Variants in LRBA observed in about 807,000 individuals in gnomAD.
LRBA encodes the protein lipopolysaccharide-responsive and beige-like anchor protein.
In LRBA, 176 loss-of-function variants were observed where a neutral mutation model predicts 330.0. The ratio of observed to expected loss-of-function variants is 0.53; its 90% CI spans 0.47 to 0.60. The LOEUF (loss-of-function observed/expected upper bound fraction) is 0.60. Among genes scored for constraint, LRBA ranks in the 20% least tolerant of loss-of-function variants. LRBA has a pLI of 0.00. For synonymous variants in LRBA, 1,230 were observed against 1,193.0 expected, an observed-to-expected ratio of 1.03 and a Z score of -0.64; for missense variants, 3,259 against 3,444.8, an observed-to-expected ratio of 0.95 and a Z score of 1.35.
intron 44 of LRBA, among the ~76,000 whole-genome samples, chr4:150,456,383 T>C (rs1197793656): frequency 6.6e-6 from 1 of 152,188 alleles, no homozygotes; most frequent in Non-Finnish European, 1.5e-5. Context: ...AGTGAGATGA[T>C]AGCTCATTGA....
chr4:150,957,531 C>G (rs921252605), intron 2 of LRBA, among the ~76,000 whole-genome samples: 2 of 148,366 alleles, frequency 1.3e-5, no homozygotes, highest in African/African-American at 5.3e-5. Context: ...CCATATCATT[C>G]TGCCCACGGC....
At chr4:150,697,318 T>C (rs1348781310) in intron 36 of LRBA, among the ~76,000 whole-genome samples, 2 of 16,306 alleles carry the variant, frequency 1.2e-4, no homozygotes, top group Non-Finnish European at 1.9e-4. Flanking sequence ...AGTGAGACTT[T>C]GTCTCAGAAA....
rs568374492 is a variant in LRBA at position 150,975,506 on chromosome 4, A to G, written c.216+38921T>C. On this transcript the variant is annotated intron_variant, in intron 2 of 56. Transcript: ENST00000651943. ...GCACCACTGCACTTCAGCCTAAGTGACAGAGTGAGACTGTGAGACTCTATC... is the reference window on the plus strand; with the variant it reads ...GCACCACTGCACTTCAGCCTAAGTGGCAGAGTGAGACTGTGAGACTCTATC... Among the ~76,000 whole-genome samples, 25 of 151,434 alleles carry G rather than the reference A, an allele frequency of 1.7e-4. 1 individual carries two copies. Among genetic ancestry groups the G allele is most frequent in the Middle Eastern group, 6.8e-3 (2 of 294 alleles).
intron 35 of LRBA, among the ~76,000 whole-genome samples, chr4:150,756,157 T>C (rs1734269605): frequency 6.6e-6 from 1 of 152,108 alleles, no homozygotes. Flanking sequence ...TATTCATCAT[T>C]CTCTCTAAGA....
rs188890831 is a variant in LRBA, at chr4:150,678,382, T to C, written c.5921+5169A>G. Among the ~76,000 whole-genome samples, 442 of 151,748 alleles carry C rather than the reference T, an allele frequency of 2.9e-3. 1 individual carries two copies. The highest frequency in any genetic ancestry group is 9.8e-3 in the African/African-American group (404 of 41,338). Reference sequence around the variant, plus strand: ...TAATACATACTACACAAGAAAAAAATGGCTCCTCAGTATCAGTACTGCAAT... The same window carrying C: ...TAATACATACTACACAAGAAAAAAACGGCTCCTCAGTATCAGTACTGCAAT... On this transcript the variant is annotated intron_variant, in intron 37 of 56. Coordinates refer to ENST00000651943, the MANE Select transcript of LRBA (RefSeq NM_001364905.1).
chr4:150,512,499 A>G (rs1344904296), intron 40 of LRBA, among the ~76,000 whole-genome samples: 1 of 152,084 alleles, frequency 6.6e-6, no homozygotes, highest in Non-Finnish European at 1.5e-5. Context: ...TGGGATTATA[A>G]TAAGAGACTC....
chr4:150,847,073 T>A (rs184071079), intron 26 of LRBA, among the ~76,000 whole-genome samples: 55 of 152,234 alleles, frequency 3.6e-4, no homozygotes, highest in Non-Finnish European at 6.9e-4. Flanking sequence ...TACTAATAGA[T>A]TAAAGAAGTA....
At chr4:150,570,933 T>C (rs559785943) in intron 40 of LRBA, among the ~76,000 whole-genome samples, 48 of 152,282 alleles carry the variant, frequency 3.2e-4, no homozygotes, top group Middle Eastern at 3.4e-3. Context: ...AAAAAGTCTT[T>C]GTTTTAAGAC....
chr4:150,674,124 T>C (rs983782530), intron 37 of LRBA, among the ~76,000 whole-genome samples: 1 of 152,006 alleles, frequency 6.6e-6, no homozygotes, highest in Non-Finnish European at 1.5e-5. Context: ...ATTTTATATA[T>C]TGGGGTTCTA....
intron 40 of LRBA, among the ~76,000 whole-genome samples, chr4:150,528,167 T>C (rs1763666032): frequency 6.6e-6 from 1 of 152,068 alleles, no homozygotes; most frequent in African/African-American, 2.4e-5. Context: ...ATTTAGATTG[T>C]GGTATACCTA....
At chr4:150,966,616 G>A (rs995210867) in intron 2 of LRBA, among the ~76,000 whole-genome samples, 56 of 151,556 alleles carry the variant, frequency 3.7e-4, no homozygotes, top group African/African-American at 1.3e-3. Context: ...GTGAGCCACC[G>A]CGCCCGGCCG....
intron 46 of LRBA, among the ~76,000 whole-genome samples, chr4:150,420,445 A>AT (rs1185886302): frequency 1.1e-3 from 120 of 110,978 alleles, no homozygotes; most frequent in East Asian, 3.4e-3. Context: ...TATAATACAT[A>AT]TATAATATAT....
At chr4:150,405,804 C>T (rs189228213) in intron 47 of LRBA, among the ~76,000 whole-genome samples, 61 of 152,132 alleles carry the variant, frequency 4.0e-4, no homozygotes, top group African/African-American at 1.4e-3. Flanking sequence ...CCTATGAGCC[C>T]AGCACTTTGA....
At chr4:150,452,345 G>A (rs556330670) in intron 44 of LRBA, among the ~76,000 whole-genome samples, 1 of 152,238 alleles carries the variant, frequency 6.6e-6, no homozygotes, top group East Asian at 1.9e-4. Context: ...TTATGATGAA[G>A]ACTCTCAACA....
intron 46 of LRBA, among the ~76,000 whole-genome samples, chr4:150,435,008 G>A (rs1387893118): frequency 6.6e-6 from 1 of 152,108 alleles, no homozygotes; most frequent in African/African-American, 2.4e-5. Flanking sequence ...GACAGAGAGA[G>A]AGGAAGGAGA....
At chr4:150,850,251 T>C (rs1418204306) in intron 24 of LRBA, among the ~76,000 whole-genome samples, 1 of 151,746 alleles carries the variant, frequency 6.6e-6, no homozygotes, top group East Asian at 1.9e-4. Flanking sequence ...CCGCCACCAC[T>C]CCCAGCTAAT....
intron 2 of LRBA, among the ~76,000 whole-genome samples, chr4:150,976,175 GAAAAAAAAAA>G (rs56914557): frequency 1.1e-5 from 1 of 88,732 alleles, no homozygotes; most frequent in African/African-American, 4.0e-5. Flanking sequence ...ACTCCGTCTT[GAAAAAAAAAA>G]AAAAAAAAAG....
At chr4:150,386,248 T>C (rs1326440332) in intron 47 of LRBA, among the ~76,000 whole-genome samples, 2 of 152,174 alleles carry the variant, frequency 1.3e-5, no homozygotes, top group African/African-American at 4.8e-5. Context: ...TTAAATACCT[T>C]TTTCTAATGC....
chr4:150,349,921 AG>A, intron 48 of LRBA, 70 bp downstream of exon 48: 1 of 1,288,962 alleles, frequency 7.8e-7, no homozygotes, highest in Non-Finnish European at 1.1e-6. Flanking sequence ...AGGATGGGGG[AG>A]GTGTTCTCTA....
Sources: allele counts gnomAD v4.1 joint callset (sites outside exome capture counted in the v4.1 genomes callset), GRCh38; gene constraint gnomAD v4.1.1; transcripts MANE v1.5; gene names NCBI Gene and HGNC (gene_info 2026-07-23, HGNC 2026-07-21).